RNF20: variants seen among roughly 807,000 people sequenced by gnomAD.
The protein encoded by RNF20 is ring finger protein 20.
Under a neutral mutation model 126.2 loss-of-function variants are expected in RNF20, and 84 were observed. The ratio of observed to expected loss-of-function variants is 0.67; its 90% CI spans 0.56 to 0.80. RNF20 has a LOEUF of 0.80. Ranked by LOEUF, RNF20 falls within the 30% of genes least tolerant of loss-of-function variation. The probability of loss-of-function intolerance (pLI) is 0.00; values close to 1 mark genes in which losing one functional copy is unlikely to be tolerated. For synonymous variants in RNF20, 400 were observed against 414.3 expected (o/e 0.97, Z 0.42); for missense variants, 869 against 1,188.2 (o/e 0.73, Z 3.95).
chr9:101,541,461 A>G (rs1827259485), intron 5 of RNF20, among the ~76,000 whole-genome samples: 1 of 152,188 alleles, frequency 6.6e-6, no homozygotes, highest in African/African-American at 2.4e-5. Context: ...AGTGCTTCTC[A>G]TTTTGAGCCA....
At position 101,544,775 on chromosome 9, in the gene RNF20, A is replaced by C; in HGVS notation, c.637A>C (p.Ile213Leu). 6.3e-7 allele frequency: 1 copy of C among 1,597,700 alleles called. No homozygotes were observed. The highest frequency in any genetic ancestry group is 8.6e-7 in the Non-Finnish European group (1 of 1,165,086). The change falls in exon 6 of 20, where the codon ATA (isoleucine) becomes CTA (leucine). Residue 213 changes from isoleucine (I) to leucine (L), a missense_variant. By Grantham distance (5) the Ile-to-Leu change is conservative. Coordinates refer to ENST00000389120, the MANE Select transcript of RNF20 (RefSeq NM_019592.7). Reference sequence around the variant, plus strand: ...TAGTTCTTCTTCCCCAGATAATCTGATAGTGGAGGAAGCAGTGCAGGAGCT... The same window carrying C: ...TAGTTCTTCTTCCCCAGATAATCTGCTAGTGGAGGAAGCAGTGCAGGAGCT... ...SRKLNSGDNL[I>L]VEEAVQELNS... is the part of the protein sequence containing the mutation.
intron 9 of RNF20, 36 bp downstream of exon 9, chr9:101,547,554 C>T (rs1333245237): frequency 3.1e-6 from 5 of 1,611,778 alleles, no homozygotes; most frequent in African/African-American, 1.3e-5. Context: ...TAAAATCAGA[C>T]GTTCTGCTGA....
chr9:101,552,556 A>G lies in RNF20; in HGVS notation c.1704A>G (p.Glu568=). ...NEIKSKRDEE[E]RERERREKER... is the part of the protein sequence containing the mutation. Reference sequence around the variant, plus strand: ...TCAAGTCTAAACGGGATGAAGAAGAACGAGAACGAGAAAGGAGGGAGAAGG... The same window carrying G: ...TCAAGTCTAAACGGGATGAAGAAGAGCGAGAACGAGAAAGGAGGGAGAAGG... The change falls in exon 13 of 20, where the codon GAA becomes GAG. Residue 568 remains glutamate, a synonymous_variant. Transcript: ENST00000389120. 2 of 1,612,792 alleles carry G rather than the reference A, an allele frequency of 1.2e-6. No individual in the cohort carries two copies. Among genetic ancestry groups the G allele is most frequent in the Non-Finnish European group, 1.7e-6 (2 of 1,178,846 alleles).
intron 10 of RNF20, among the ~76,000 whole-genome samples, chr9:101,551,449 A>C (rs1179004304): frequency 6.6e-6 from 1 of 152,134 alleles, no homozygotes; most frequent in Non-Finnish European, 1.5e-5. Flanking sequence ...TATTTTACAT[A>C]TGTTTATATA....
In RNF20 at chr9:101,554,105, G is replaced by A. The variant is rs773348910; in HGVS notation, c.2019G>A (p.Glu673=). 3 of 1,555,196 alleles carry A rather than the reference G, an allele frequency of 1.9e-6. No individual in the cohort carries two copies. The highest frequency in any genetic ancestry group is 2.7e-6 in the Non-Finnish European group (3 of 1,126,782). Residue 673 remains glutamate (E), a splice_region_variant and synonymous_variant, in exon 14 of 20, where the codon GAG becomes GAA. Coordinates refer to ENST00000389120, the MANE Select transcript of RNF20 (RefSeq NM_019592.7). ...CAGCTGAGAAGAAGTCTAAGGCAGA[G>A]GTATTCTAGTCTGCTATTACCTGTC... The part of the protein sequence containing the change: ...LMAAEKKSKA[E]LEDLRQRLKD...
rs767101352 is a variant in RNF20, at chr9:101,535,508, G to C, written c.85G>C (p.Gly29Arg). Residue 29 changes from glycine (G) to arginine (R), a missense_variant, in exon 2 of 20, where the codon GGG becomes CGG. By Grantham distance (125) the Gly-to-Arg change is moderately radical. Around this residue, in one of 8 missense-constraint regions of RNF20, gnomAD observed 157 missense variants for 236.0 expected, o/e 0.67. Transcript: ENST00000389120. ...GAAGAAGGCAGCTGTTGAAGATTCAGGGACCACAGTGGAAACAATTAAGCT... is the reference window on the plus strand; with the variant it reads ...GAAGAAGGCAGCTGTTGAAGATTCACGGACCACAGTGGAAACAATTAAGCT... ...PEKKAAVEDS[G>R]TTVETIKLGG... 6.2e-7 allele frequency: 1 copy of C among 1,613,816 alleles called. No homozygotes were observed. Among genetic ancestry groups the C allele is most frequent in the South Asian group, 1.1e-5 (1 of 91,046 alleles).
rs1482794289 is a variant in RNF20 at position 101,544,819 on chromosome 9, G to A, written c.681G>A (p.Gln227=). 3 of 1,613,842 alleles carry A rather than the reference G, an allele frequency of 1.9e-6. No individual in the cohort carries two copies. Among genetic ancestry groups the A allele is most frequent in the Admixed American group, 1.7e-5 (1 of 60,000 alleles). ...AVQELNSFLA[Q]ENMRLQELTD... is the part of the protein sequence containing the mutation. ...AGGAGCTGAACTCTTTCCTCGCACA[G>A]GAGAATATGAGGCTACAGGAATTGA... Residue 227 remains glutamine, a synonymous_variant, in exon 6 of 20, where the codon CAG becomes CAA. Coordinates refer to ENST00000389120, the MANE Select transcript of RNF20 (RefSeq NM_019592.7).
intron 9 of RNF20, among the ~76,000 whole-genome samples, chr9:101,550,280 T>A (rs915990555): frequency 6.6e-6 from 1 of 152,230 alleles, no homozygotes; most frequent in African/African-American, 2.4e-5. Flanking sequence ...AACAAGTTAG[T>A]GACTGGGGTC....
Position 101,557,453 on chromosome 9 carries a change from A to G in RNF20, c.2239A>G (p.Ile747Val), listed in dbSNP as rs1421820795. The G allele has an allele frequency of 6.8e-6, 11 of 1,613,908 alleles. No homozygotes were observed. Among genetic ancestry groups the G allele is most frequent in the Non-Finnish European group, 8.5e-6 (10 of 1,179,924 alleles). ...CTTTGAAGACATGCAGGAGCAAAAT[A>G]TCCGTTTGATGCAGCAATTGCGGGA... ...QAFEDMQEQN[I>V]RLMQQLREKD... is the part of the protein sequence containing the mutation. Residue 747 changes from isoleucine (I) to valine (V), a missense_variant, in exon 16 of 20, where the codon ATC becomes GTC. Ile to Val is a conservative substitution (Grantham distance 29). This residue lies in a region of RNF20 where 30 missense variants were observed against 75.2 expected (regional missense o/e 0.40). Coordinates refer to ENST00000389120, the MANE Select transcript of RNF20 (RefSeq NM_019592.7).
rs982568836 is a variant in RNF20 at position 101,540,374 on chromosome 9, G to A, written c.297+4G>A. The stretch of plus-strand genomic sequence containing the variant: ...TGTCAACCGATACTGGAGTCAGGTA[G>A]CTAACTTGTTTATTTGTTCAGATTT... On this transcript the variant is annotated splice_donor_region_variant and intron_variant, in intron 3 of 19. Coordinates refer to ENST00000389120, the MANE Select transcript of RNF20 (RefSeq NM_019592.7). 4 of 1,614,056 alleles carry A rather than the reference G, an allele frequency of 2.5e-6. No homozygotes were observed. Among genetic ancestry groups the A allele is most frequent in the East Asian group, 2.2e-5 (1 of 44,876 alleles).
intron 10 of RNF20, 145 bp from the exon 11 acceptor site, chr9:101,551,539 G>A (rs1438875014): frequency 2.9e-6 from 1 of 341,606 alleles, no homozygotes; most frequent in East Asian, 6.5e-5. Context: ...TCAGTATCCT[G>A]TCAGTTTCCA....
chr9:101,534,426 G>C (rs994788469), intron 1 of RNF20: 1 of 152,168 alleles, frequency 6.6e-6, no homozygotes, highest in African/African-American at 2.4e-5. Context: ...TCGCACCCAG[G>C]TCTAACTAAC....
intron 1 of RNF20, 29 bp from the exon 2 acceptor site, chr9:101,535,369 A>G: frequency 6.3e-7 from 1 of 1,578,302 alleles, no homozygotes; most frequent in Non-Finnish European, 8.6e-7. Context: ...TACATATATT[A>G]TGTCAGTTTC....
At chr9:101,547,274 T>G in intron 8 of RNF20, 60 bp downstream of exon 8, 1 of 1,600,524 alleles carries the variant, frequency 6.2e-7, no homozygotes, top group Non-Finnish European at 8.6e-7. Context: ...GCTTAGGTAC[T>G]TAGGACTGTG....
At chr9:101,554,157 G>C (rs529402381) in intron 14 of RNF20, 52 bp downstream of exon 14, 1 of 1,054,598 alleles carries the variant, frequency 9.5e-7, no homozygotes. Context: ...TCATTTGTGG[G>C]ATTTTCCTTT....
In RNF20 at chr9:101,535,551, C is replaced by T. The variant is rs148632747; in HGVS notation, c.128C>T (p.Thr43Met). 5.6e-6 allele frequency: 9 copies of T among 1,607,676 alleles called. No homozygotes were observed. Among genetic ancestry groups the T allele is most frequent in the Middle Eastern group, 1.7e-4 (1 of 6,054 alleles). Residue 43 changes from threonine (T) to methionine (M), a missense_variant and splice_region_variant, in exon 2 of 20, where the codon ACG becomes ATG. Transcript: ENST00000389120. The stretch of plus-strand genomic sequence containing the variant: ...ATTAAGCTAGGAGGTGTCTCTTCAA[C>T]GGTATGAGGAAACAGTGCCATGAAA... ...ETIKLGGVSS[T>M]EELDIRTLQT...
intron 15 of RNF20, 39 bp downstream of exon 15, chr9:101,554,882 A>G: frequency 7.3e-7 from 1 of 1,367,624 alleles, no homozygotes; most frequent in Non-Finnish European, 9.5e-7. Flanking sequence ...TTTTTGAGTA[A>G]ATGTTACTTG....
Position 101,554,856 on chromosome 9 carries a change from T to C in RNF20, c.2169+13T>C, listed in dbSNP as rs1315549807. 2 of 1,394,704 alleles carry C rather than the reference T, an allele frequency of 1.4e-6. No homozygotes were observed. The highest frequency in any genetic ancestry group is 2.9e-5 in the African/African-American group (2 of 68,036). The allele number at this position is 1,394,704 out of a possible 1,614,324, so 86.4% of individuals were successfully genotyped here. On this transcript the variant is annotated intron_variant, in intron 15 of 19. Coordinates refer to ENST00000389120, the MANE Select transcript of RNF20 (RefSeq NM_019592.7). ...CATGGCCAAGCAGGTGGACTCACTT[T>C]CTTTATTTAATTGACTTTTTGAGTA...
At chr9:101,554,312 T>C (rs1166797303) in intron 14 of RNF20, among the ~76,000 whole-genome samples, 1 of 152,236 alleles carries the variant, frequency 6.6e-6, no homozygotes, top group East Asian at 1.9e-4. Context: ...ACTGGGGTTA[T>C]GAGTAGGCTT....
Sources: allele counts gnomAD v4.1 joint callset (sites outside exome capture counted in the v4.1 genomes callset), GRCh38; gene constraint gnomAD v4.1.1; regional missense constraint gnomAD v4.1.1; transcripts MANE v1.5; gene names NCBI Gene and HGNC (gene_info 2026-07-23, HGNC 2026-07-21).